The following SASS6 variants were observed in gnomAD, a reference collection of about 807,000 sequenced individuals.
The protein encoded by SASS6 is spindle assembly abnormal protein 6 homolog.
SASS6 carries 59 observed loss-of-function variants against 94.9 expected under a neutral mutation model. That is an observed-to-expected ratio of 0.62 (90% CI 0.50 to 0.77). The LOEUF (loss-of-function observed/expected upper bound fraction) is 0.77. SASS6 is among the 30% of genes least tolerant of loss of function. The pLI, the probability that SASS6 is intolerant of heterozygous loss-of-function variation, is 0.00. For synonymous variants in SASS6, 264 were observed against 270.0 expected, an observed-to-expected ratio of 0.98 and a Z score of 0.22; for missense variants, 698 against 734.1, an observed-to-expected ratio of 0.95 and a Z score of 0.57.
Position 100,120,430 on chromosome 1 carries a change from T to C in SASS6, c.513A>G (p.Leu171=), listed in dbSNP as rs968499867. ...KEEKLSLMQS[L]DDATKQLDFT... is the part of the protein sequence containing the mutation. The stretch of plus-strand genomic sequence containing the variant: ...AGTCCAGTTGCTTAGTAGCATCATC[T>C]AGTGATTGCATCAATGATAATTTTT... The change falls in exon 6 of 17, where the codon CTA becomes CTG. Residue 171 remains leucine, a synonymous_variant. Transcript: ENST00000287482. 7 of 1,505,192 alleles carry C rather than the reference T, an allele frequency of 4.7e-6. No homozygotes were observed. The African/African-American group carries it at 6.9e-5, about 15-fold the overall frequency. 93.2% of individuals were successfully genotyped at this position (1,505,192 alleles called of 1,614,324 possible). A position where few individuals can be genotyped will look rare whatever the true frequency, so the allele number is the denominator to read the frequency against.
chr1:100,105,960 C>T, intron 12 of SASS6, 57 bp from the exon 13 acceptor site: 2 of 1,118,562 alleles, frequency 1.8e-6, no homozygotes, highest in Non-Finnish European at 1.2e-6. Flanking sequence ...TTTTTCTAAT[C>T]ATCTTAAACA....
intron 1 of SASS6, among the ~76,000 whole-genome samples, chr1:100,128,134 T>G (rs937788992): frequency 1.3e-5 from 2 of 152,138 alleles, no homozygotes; most frequent in African/African-American, 2.4e-5. Context: ...CCTCCCAGGT[T>G]CAAACGATTC....
At chr1:100,118,687 A>G (rs543441856) in intron 7 of SASS6, among the ~76,000 whole-genome samples, 1 of 152,300 alleles carries the variant, frequency 6.6e-6, no homozygotes, top group Admixed American at 6.5e-5. Context: ...AATATATCCA[A>G]TAAGACCCCA....
At chr1:100,114,747 C>T (rs1653663187) in intron 7 of SASS6, among the ~76,000 whole-genome samples, 1 of 151,390 alleles carries the variant, frequency 6.6e-6, no homozygotes, top group Non-Finnish European at 1.5e-5. Context: ...ATACAAAAAT[C>T]CCAAGTTAAA....
At chr1:100,124,323 A>C (rs1477508252) in intron 2 of SASS6, among the ~76,000 whole-genome samples, 2 of 152,216 alleles carry the variant, frequency 1.3e-5, no homozygotes, top group Non-Finnish European at 2.9e-5. Context: ...GGTACTATTA[A>C]TACTACTAGG....
At chr1:100,105,983 ATTAAG>A in intron 12 of SASS6, 80 bp from the exon 13 acceptor site, 5 of 941,230 alleles carry the variant, frequency 5.3e-6, no homozygotes, top group Non-Finnish European at 5.9e-6. Flanking sequence ...TAAAAATTAT[ATTAAG>A]ATTTTTAAAT....
At chr1:100,096,128 C>T (rs1248521261) in intron 14 of SASS6, among the ~76,000 whole-genome samples, 1 of 152,156 alleles carries the variant, frequency 6.6e-6, no homozygotes, top group Non-Finnish European at 1.5e-5. Flanking sequence ...ATTTATACTA[C>T]TGACTTTCAA....
chr1:100,127,069 A>C (rs938587230), intron 1 of SASS6, among the ~76,000 whole-genome samples: 13 of 152,178 alleles, frequency 8.5e-5, no homozygotes, highest in African/African-American at 3.1e-4. Flanking sequence ...AATTGGACAG[A>C]GGTATATAGG....
chr1:100,092,461 C>G (rs2101642506), intron 14 of SASS6, among the ~76,000 whole-genome samples: 1 of 152,258 alleles, frequency 6.6e-6, no homozygotes, highest in African/African-American at 2.4e-5. Context: ...GGAAATTATA[C>G]TGTAGAAGAA....
intron 14 of SASS6, among the ~76,000 whole-genome samples, chr1:100,090,344 A>C (rs1376320025): frequency 6.6e-6 from 1 of 152,230 alleles, no homozygotes; most frequent in Non-Finnish European, 1.5e-5. Flanking sequence ...AAAAAAATAG[A>C]AAATGATACT....
At position 100,125,940 on chromosome 1, in the gene SASS6, C is replaced by G. The variant is rs138623278; in HGVS notation, c.68G>C (p.Arg23Thr). ...TTCAATGCTCATTCTTATACTTACTCTCCTGTAGGAAAAGACATACCCAAC... is the reference window on the plus strand; with the variant it reads ...TTCAATGCTCATTCTTATACTTACTGTCCTGTAGGAAAAGACATACCCAAC... The part of the protein sequence containing the change: ...QVKCKDCEER[R>T]VSIRMSIELQ... The change falls in exon 2 of 17, where the codon AGA becomes ACA. Residue 23 changes from arginine to threonine, a missense_variant and splice_region_variant. Arg to Thr is a moderately conservative substitution (Grantham distance 71, BLOSUM62 -1). Coordinates refer to ENST00000287482, the MANE Select transcript of SASS6 (RefSeq NM_194292.3). 2 of 1,508,712 alleles carry G rather than the reference C, an allele frequency of 1.3e-6. No individual in the cohort carries two copies. Among genetic ancestry groups the G allele is most frequent in the African/African-American group, 1.4e-5 (1 of 71,334 alleles). The allele number at this position is 1,508,712 out of a possible 1,614,324, so 93.5% of individuals were successfully genotyped here.
intron 12 of SASS6, 65 bp downstream of exon 12, chr1:100,106,847 G>A (rs910636242): frequency 1.1e-5 from 8 of 727,868 alleles, no homozygotes; most frequent in African/African-American, 5.4e-5. Flanking sequence ...GAGTGAGACC[G>A]TGTCTCAAAA....
At position 100,120,438 on chromosome 1, in the gene SASS6, G is replaced by C. The variant is rs79266097; in HGVS notation, c.505C>G (p.Gln169Glu). 1.4e-6 allele frequency: 2 copies of C among 1,475,606 alleles called. No individual in the cohort carries two copies. The highest frequency in any genetic ancestry group is 2.3e-5 in the East Asian group (1 of 44,174). The allele number at this position is 1,475,606 out of a possible 1,614,324, so 91.4% of individuals were successfully genotyped here. ...CSKEEKLSLMQSLDDATKQLD... is the reference protein window; with the variant it reads ...CSKEEKLSLMESLDDATKQLD... ...TGCTTAGTAGCATCATCTAGTGATT[G>C]CATCAATGATAATTTTTCTTCCTAT... Residue 169 changes from glutamine (Q) to glutamate (E), a missense_variant, in exon 6 of 17, where the codon CAA (glutamine) becomes GAA (glutamate). Coordinates refer to ENST00000287482, the MANE Select transcript of SASS6 (RefSeq NM_194292.3).
intron 1 of SASS6, among the ~76,000 whole-genome samples, chr1:100,130,960 T>C (rs1278536890): frequency 6.6e-6 from 1 of 152,222 alleles, no homozygotes; most frequent in African/African-American, 2.4e-5. Context: ...TGCTGACCCC[T>C]ATTATACAGA....
Position 100,105,888 on chromosome 1 carries a change from T to C in SASS6, c.1424A>G (p.Asn475Ser). 6.2e-7 allele frequency: 1 copy of C among 1,602,188 alleles called. No individual in the cohort carries two copies. The highest frequency in any genetic ancestry group is 8.5e-7 in the Non-Finnish European group (1 of 1,172,474). The part of the protein sequence containing the change: ...KNNEKLITWL[N>S]KELNENQLVR... ...TAGCTGATTTTCATTTAGTTCTTTA[T>C]TTAACCACGTGATTACTTAAATAAA... The change falls in exon 13 of 17, where the codon AAT becomes AGT. Residue 475 changes from asparagine to serine, a missense_variant. Physicochemically the swap from Asn to Ser is conservative, Grantham distance 46. Transcript: ENST00000287482.
At position 100,110,461 on chromosome 1, in the gene SASS6, T is replaced by C; in HGVS notation, c.692A>G (p.Gln231Arg). The C allele has an allele frequency of 1.2e-6, 2 of 1,606,312 alleles. No homozygotes were observed. The highest frequency in any genetic ancestry group is 1.7e-6 in the Non-Finnish European group (2 of 1,175,976). Residue 231 changes from glutamine (Q) to arginine (R), a missense_variant, in exon 8 of 17, where the codon CAG becomes CGG. Coordinates refer to ENST00000287482, the MANE Select transcript of SASS6 (RefSeq NM_194292.3). ...TAAATCTTTTTTCTGTTGTTCATGC[T>C]GCTGTTGATATTGAACCTGTGCCTA... ...ALQAQVQYQQ[Q>R]HEQQKKDLEI... is the part of the protein sequence containing the mutation.
chr1:100,120,470 AAAT>A lies in SASS6; in HGVS notation c.484-14_484-12del, dbSNP rs750142483. On this transcript the variant is annotated splice_polypyrimidine_tract_variant and intron_variant, in intron 5 of 16. Transcript: ENST00000287482. ...TGATAATTTTTCTTCCTATTCATAAAAATAATAAAATTACACAGTTTACAATGT... is the reference window on the plus strand; with the variant it reads ...TGATAATTTTTCTTCCTATTCATAAAAATAAAATTACACAGTTTACAATGT... 11 of 1,175,862 alleles carry A rather than the reference AAAT, an allele frequency of 9.4e-6. No homozygotes were observed. The highest frequency in any genetic ancestry group is 9.3e-5 in the East Asian group (4 of 42,904). 72.8% of individuals were successfully genotyped at this position (1,175,862 alleles called of 1,614,324 possible).
intron 14 of SASS6, among the ~76,000 whole-genome samples, chr1:100,091,188 C>G (rs1018149179): frequency 1.3e-5 from 2 of 152,008 alleles, no homozygotes; most frequent in Non-Finnish European, 2.9e-5. Flanking sequence ...ATCTGTAATC[C>G]CAGCTATTCG....
intron 14 of SASS6, among the ~76,000 whole-genome samples, chr1:100,101,629 T>C (rs1373207529): frequency 6.6e-6 from 1 of 151,864 alleles, no homozygotes; most frequent in East Asian, 1.9e-4. Flanking sequence ...AGAAAAAAAA[T>C]GATCCCAAGA....
Sources: gnomAD v4.1 joint callset for allele counts (sites outside exome capture counted in the v4.1 genomes callset) on GRCh38, gnomAD v4.1.1 for gene constraint, MANE v1.5 for transcripts, NCBI Gene and HGNC (gene_info 2026-07-23, HGNC 2026-07-21) for gene names.